The following PPP2R5C variants were observed in gnomAD, a reference collection of about 807,000 sequenced individuals.
The protein encoded by PPP2R5C is protein phosphatase 2 regulatory subunit B'gamma.
PPP2R5C carries 7 observed loss-of-function variants against 68.9 expected under a neutral mutation model. That is an observed-to-expected ratio of 0.10 (90% CI 0.06 to 0.19). PPP2R5C has a LOEUF of 0.19. Among genes scored for constraint, PPP2R5C ranks in the 10% least tolerant of loss-of-function variants. PPP2R5C has a pLI of 1.00. For missense variants in PPP2R5C, 348 were observed against 641.3 expected (o/e 0.54, Z 4.94); for synonymous variants, 210 against 222.2 (o/e 0.95, Z 0.49).
chr14:101,900,667 G>A (rs560128347), intron 8 of PPP2R5C, among the ~76,000 whole-genome samples: 1 of 152,240 alleles, frequency 6.6e-6, no homozygotes, highest in Non-Finnish European at 1.5e-5. Context: ...TTTTGTACTG[G>A]TATGATTGTG....
At chr14:101,921,716 A>C (rs571771227) in intron 13 of PPP2R5C, among the ~76,000 whole-genome samples, 1 of 152,172 alleles carries the variant, frequency 6.6e-6, no homozygotes, top group Non-Finnish European at 1.5e-5. Context: ...CATTTCTTTG[A>C]GATGATGTGA....
At chr14:101,910,424 T>C (rs1225537788) in intron 11 of PPP2R5C, among the ~76,000 whole-genome samples, 4 of 152,212 alleles carry the variant, frequency 2.6e-5, no homozygotes, top group Non-Finnish European at 5.9e-5. Flanking sequence ...TGTGTGTATA[T>C]ATATGAAACA....
rs1421945150 is a variant in PPP2R5C, at chr14:101,835,868, G to GACCT, written c.95-20817_95-20814dup. Among the ~76,000 whole-genome samples the GACCT allele has an allele frequency of 2.6e-5, 4 of 152,192 alleles. No homozygotes were observed. The highest frequency in any genetic ancestry group is 4.4e-5 in the Non-Finnish European group (3 of 68,038). ...TGAGCGTCGCCTTAACCTCTCTGTA[G>GACCT]ACCTCTGTCCTTGTCTATCTAATGG... On this transcript the variant is annotated intron_variant, in intron 1 of 13. Coordinates refer to ENST00000334743, the Ensembl canonical transcript of PPP2R5C. The surrounding 1 kb of genome is among the most constrained non-coding windows in gnomAD (Gnocchi z 5.0).
At chr14:101,763,762 G>A (rs1297136890) in intron 2 of PPP2R5C, among the ~76,000 whole-genome samples, 2 of 152,128 alleles carry the variant, frequency 1.3e-5, no homozygotes, top group East Asian at 1.9e-4. Flanking sequence ...GCAGTCTATG[G>A]TGTTGCTATG....
chr14:101,925,375 T>A, exon 14 of PPP2R5C: 1 of 1,489,422 alleles, frequency 6.7e-7, no homozygotes, highest in South Asian at 1.3e-5. Flanking sequence ...CTCAAAGCTT[T>A]CTTGGACCCC....
intron 1 of PPP2R5C, among the ~76,000 whole-genome samples, chr14:101,849,968 C>A (rs1650608170): frequency 6.6e-6 from 1 of 152,202 alleles, no homozygotes; most frequent in Non-Finnish European, 1.5e-5. Flanking sequence ...TAGTCTTAAC[C>A]CCTTGCATTT....
intron 12 of PPP2R5C, chr14:101,914,099 T>G: frequency 4.4e-6 from 2 of 449,466 alleles, no homozygotes; most frequent in East Asian, 1.4e-4. Context: ...TTTTCTCAAC[T>G]TTTCCTGAAT....
chr14:101,896,973 A>G (rs1378119408), intron 8 of PPP2R5C, among the ~76,000 whole-genome samples: 4 of 152,158 alleles, frequency 2.6e-5, no homozygotes, highest in Admixed American at 6.5e-5. Flanking sequence ...CTATGTGTAG[A>G]TTCCCTCCAT....
chr14:101,913,024 C>T lies in PPP2R5C; in HGVS notation c.1326+551C>T, dbSNP rs1618921. On this transcript the variant is annotated intron_variant, in intron 12 of 13. Coordinates refer to ENST00000334743, the Ensembl canonical transcript of PPP2R5C. This position sits in a 1 kb window ranked among gnomAD's most constrained non-coding sequence, Gnocchi z 4.1. ...CCAGTGTGCTCTGGTGAGTCTGCGC[C>T]GATGGCCGGACGTCCCGGAGCTGCC... Among the ~76,000 whole-genome samples the T allele has an allele frequency of 0.14, 20,831 of 152,176 alleles. 1,836 individuals carry two copies. The highest frequency in any genetic ancestry group is 0.24 in the African/African-American group (9,952 of 41,486).
intron 1 of PPP2R5C, among the ~76,000 whole-genome samples, chr14:101,816,910 A>ATTT (rs1491402836): frequency 7.2e-6 from 1 of 138,962 alleles, no homozygotes; most frequent in Non-Finnish European, 1.5e-5. Context: ...ATATATATAT[A>ATTT]ATATATATAT....
chr14:101,809,234 CG>C (rs1352315344), upstream of PPP2R5C, among the ~76,000 whole-genome samples: 1 of 151,766 alleles, frequency 6.6e-6, no homozygotes, highest in Non-Finnish European at 1.5e-5. Flanking sequence ...TCATTTTCTA[CG>C]TAAGTTTTTA....
At chr14:101,761,710 C>CCGCCGT (rs2036545359), upstream of PPP2R5C, 7 of 637,780 alleles carry the variant, frequency 1.1e-5, no homozygotes, top group Admixed American at 1.3e-4. Flanking sequence ...GCCGCCGCCG[C>CCGCCGT]CGCCGTGGCT....
At chr14:101,926,356 A>AAAAG (rs1417346600) in exon 14 of PPP2R5C, 1 of 152,700 alleles carries the variant, frequency 6.5e-6, no homozygotes, top group Non-Finnish European at 1.5e-5. Context: ...CTTTCTGTTG[A>AAAAG]AAAGAGCTCA....
intron 3 of PPP2R5C, among the ~76,000 whole-genome samples, chr14:101,802,111 G>A (rs907161207): frequency 2.6e-5 from 4 of 152,212 alleles, no homozygotes; most frequent in African/African-American, 9.7e-5. Flanking sequence ...GTACTCACAT[G>A]CAAAAGAATG....
intron 2 of PPP2R5C, among the ~76,000 whole-genome samples, chr14:101,776,870 T>C (rs908667539): frequency 2.0e-5 from 3 of 151,782 alleles, no homozygotes; most frequent in East Asian, 1.9e-4. Context: ...GCGTGCGTCA[T>C]ACCTCATTCC....
chr14:101,881,770 C>G (rs1221801085), intron 2 of PPP2R5C, among the ~76,000 whole-genome samples: 1 of 152,248 alleles, frequency 6.6e-6, no homozygotes, highest in African/African-American at 2.4e-5. Flanking sequence ...CTGTGAATCT[C>G]TGCTGCGTCT....
At chr14:101,827,378 C>T (rs2040461801) in intron 1 of PPP2R5C, among the ~76,000 whole-genome samples, 1 of 152,114 alleles carries the variant, frequency 6.6e-6, no homozygotes. Flanking sequence ...ATGCATACCC[C>T]AGCATAAAAG....
At chr14:101,865,479 C>T (rs185897894) in intron 2 of PPP2R5C, among the ~76,000 whole-genome samples, 42 of 152,330 alleles carry the variant, frequency 2.8e-4, no homozygotes, top group African/African-American at 8.2e-4. Context: ...GTGGTTGTGA[C>T]TCAGACTGGG....
chr14:101,807,388 A>G (rs1042584185), upstream of PPP2R5C, among the ~76,000 whole-genome samples: 1 of 152,198 alleles, frequency 6.6e-6, no homozygotes, highest in Middle Eastern at 3.4e-3. Flanking sequence ...ATACAGCTTT[A>G]TAGTTGGTAG....
Sources: gnomAD v4.1 joint callset for allele counts (sites outside exome capture counted in the v4.1 genomes callset) on GRCh38, gnomAD v4.1.1 for gene constraint, Gnocchi (gnomAD v3.1) non-coding constraint, MANE v1.5 for transcripts, NCBI Gene and HGNC (gene_info 2026-07-23, HGNC 2026-07-21) for gene names.